The following RASSF7 variants were observed in gnomAD, a reference collection of about 807,000 sequenced individuals.
RASSF7 encodes Ras association domain family member 7, also known as ras association domain-containing protein 7.
RASSF7 carries 41 observed loss-of-function variants against 33.8 expected under a neutral mutation model. The observed-to-expected ratio is 1.21, with a 90% confidence interval of 0.95 to 1.57. The LOEUF (loss-of-function observed/expected upper bound fraction) is 1.57, where lower values mean the gene tolerates loss of function less well. RASSF7 is among the 40% of genes most tolerant of loss of function. The pLI is 0.00. For synonymous variants in RASSF7, 298 were observed against 212.8 expected, an observed-to-expected ratio of 1.40 and a Z score of -3.48; for missense variants, 622 against 497.0, an observed-to-expected ratio of 1.25 and a Z score of -2.39.
Position 561,856 on chromosome 11 carries a change from T to A in RASSF7, c.88T>A (p.Cys30Ser), listed in dbSNP as rs769437256. The A allele has an allele frequency of 8.1e-6, 13 of 1,613,530 alleles. 1 individual carries two copies. In the South Asian group the frequency reaches 1.3e-4, roughly 16 times the overall value. The change falls in exon 2 of 6, where the codon TGC becomes AGC. Residue 30 changes from cysteine to serine, a missense_variant. By Grantham distance (112) the Cys-to-Ser change is moderately radical (BLOSUM62 -1). Transcript: ENST00000397583. The stretch of plus-strand genomic sequence containing the variant: ...CTGTGGGGTCTCAGAGCAGACCACC[T>A]GCCAGGAAGTGGTCATCGCACTAGC... ...VVCGVSEQTT[C>S]QEVVIALAQA...
At position 562,395 on chromosome 11, in the gene RASSF7, C is replaced by A; in HGVS notation, c.441C>A (p.Pro147=). ...SRPGPAAPVT[P]TPGCCTDLRG... ...CTGGGCCTGCGGCCCCTGTGACACCCACACCAGGCTGCTGCACAGACCTGC... is the reference window on the plus strand; with the variant it reads ...CTGGGCCTGCGGCCCCTGTGACACCAACACCAGGCTGCTGCACAGACCTGC... The change falls in exon 3 of 6, where the codon CCC becomes CCA. Residue 147 remains proline, a synonymous_variant. Coordinates refer to ENST00000397583, the MANE Select transcript of RASSF7 (RefSeq NM_003475.4). 1 of 1,573,724 alleles carries A rather than the reference C, an allele frequency of 6.4e-7. No individual in the cohort carries two copies. Among genetic ancestry groups the A allele is most frequent in the East Asian group, 2.4e-5 (1 of 42,080 alleles).
chr11:562,108 C>T lies in RASSF7; in HGVS notation c.154C>T (p.Arg52Trp). 4 of 1,530,928 alleles carry T rather than the reference C, an allele frequency of 2.6e-6. No homozygotes were observed. Among genetic ancestry groups the T allele is most frequent in the South Asian group, 1.3e-5 (1 of 78,380 alleles). 94.8% of individuals were successfully genotyped at this position (1,530,928 alleles called of 1,614,324 possible). A position where few individuals can be genotyped will look rare whatever the true frequency, so the allele number is the denominator to read the frequency against. The part of the protein sequence containing the change: ...GQTGRFVLVQ[R>W]LREKERQLLP... ...GACTGGCCGCTTTGTGCTTGTGCAG[C>T]GGCTTCGGGAGAAGGAGCGGCAGTT... Residue 52 changes from arginine (R) to tryptophan (W), a missense_variant, in exon 3 of 6, where the codon CGG becomes TGG. Arg to Trp is a moderately radical substitution (Grantham distance 101). Coordinates refer to ENST00000397583, the MANE Select transcript of RASSF7 (RefSeq NM_003475.4).
In RASSF7 at chr11:563,587, TAGC is replaced by T; in HGVS notation, c.1071_1073del (p.Ala358del). 1.2e-6 allele frequency: 2 copies of T among 1,611,880 alleles called. No individual in the cohort carries two copies. The highest frequency in any genetic ancestry group is 1.7e-6 in the Non-Finnish European group (2 of 1,179,816). ...CCCCATGACGCAGAACTCCTGGAGG[TAGC>T]AGCAGCTCCTGCCCCAGAGTGGTGT... On this transcript the variant is annotated inframe_deletion, in exon 6 of 6. Transcript: ENST00000397583.
In RASSF7 at chr11:562,401, A is replaced by T; in HGVS notation, c.447A>T (p.Pro149=). ...PGPAAPVTPT[P]GCCTDLRGLE... ...CTGCGGCCCCTGTGACACCCACACC[A>T]GGCTGCTGCACAGACCTGCGGGGCC... is the stretch of plus-strand genomic sequence containing the variant. The change falls in exon 3 of 6, where the codon CCA becomes CCT. Residue 149 remains proline, a synonymous_variant. Transcript: ENST00000397583. 1 of 1,569,060 alleles carries T rather than the reference A, an allele frequency of 6.4e-7. No individual in the cohort carries two copies.
chr11:563,901 C>G lies in RASSF7; in HGVS notation c.*256C>G, dbSNP rs1324777849. On this transcript the variant is annotated 3_prime_UTR_variant, in exon 6 of 6. Transcript: ENST00000397583. The stretch of plus-strand genomic sequence containing the variant: ...ACAGGAGATGCATGGACAGTGTGCT[C>G]AAGCTGTGGGCATGTGCTTGCCTGC... 1 of 567,808 alleles carries G rather than the reference C, an allele frequency of 1.8e-6. No individual in the cohort carries two copies. Among genetic ancestry groups the G allele is most frequent in the Non-Finnish European group, 3.1e-6 (1 of 320,604 alleles). 35.2% of individuals were successfully genotyped at this position (567,808 alleles called of 1,614,324 possible). A position where few individuals can be genotyped will look rare whatever the true frequency, so the allele number is the denominator to read the frequency against.
rs1433348715 is a variant in RASSF7, at chr11:562,148, G to A, written c.194G>A (p.Cys65Tyr). The A allele has an allele frequency of 1.3e-5, 20 of 1,560,334 alleles. No individual in the cohort carries two copies. Among genetic ancestry groups the A allele is most frequent in the Non-Finnish European group, 1.7e-5 (20 of 1,152,368 alleles). ...GAGCGGCAGTTGCTGCCACAAGAGTGTCCAGTGGGCGCCCAGGCCACCTGC... is the reference window on the plus strand; with the variant it reads ...GAGCGGCAGTTGCTGCCACAAGAGTATCCAGTGGGCGCCCAGGCCACCTGC... ...EKERQLLPQE[C>Y]PVGAQATCGQ... The change falls in exon 3 of 6, where the codon TGT (cysteine) becomes TAT (tyrosine). Residue 65 changes from cysteine to tyrosine, a missense_variant. Transcript: ENST00000397583.
chr11:561,261 C>T lies in RASSF7; in HGVS notation c.-224C>T, dbSNP rs1474890359. ...GGGACCGGGACTTTCGGGGCGAGCGCAGCGATTAGGCGGCAGCGGCGGGGC... is the reference window on the plus strand; with the variant it reads ...GGGACCGGGACTTTCGGGGCGAGCGTAGCGATTAGGCGGCAGCGGCGGGGC... On this transcript the variant is annotated 5_prime_UTR_variant, in exon 1 of 6. Coordinates refer to ENST00000397583, the MANE Select transcript of RASSF7 (RefSeq NM_003475.4). 2 of 985,580 alleles carry T rather than the reference C, an allele frequency of 2.0e-6. No homozygotes were observed. The highest frequency in any genetic ancestry group is 6.2e-5 in the Admixed American group (1 of 16,256). 61.1% of individuals were successfully genotyped at this position (985,580 alleles called of 1,614,324 possible). A position where few individuals can be genotyped will look rare whatever the true frequency, so the allele number is the denominator to read the frequency against.
Position 561,023 on chromosome 11 carries a change from C to G in RASSF7, c.-462C>G, listed in dbSNP as rs1165803098. The G allele has an allele frequency of 1.3e-5, 13 of 1,010,154 alleles. No individual in the cohort carries two copies. The highest frequency in any genetic ancestry group is 5.9e-5 in the Admixed American group (1 of 16,862). 62.6% of individuals were successfully genotyped at this position (1,010,154 alleles called of 1,614,324 possible). A position where few individuals can be genotyped will look rare whatever the true frequency, so the allele number is the denominator to read the frequency against. ...GCGCCGGAGCGGGTCTCCAGGCTGG[C>G]GAGCGCCCAGGTGAGCCGCGCCGGG... On this transcript the variant is annotated 5_prime_UTR_variant, in exon 1 of 6. Coordinates refer to ENST00000397583, the MANE Select transcript of RASSF7 (RefSeq NM_003475.4).
rs555820222 is a variant in RASSF7 at position 562,345 on chromosome 11, G to A, written c.391G>A (p.Glu131Lys). Reference sequence around the variant, plus strand: ...TGAGCCCCGCAAAACACTGACCCCCGAGCCAGCCCCCAGCCTCTCACGCCC... The same window carrying A: ...TGAGCCCCGCAAAACACTGACCCCCAAGCCAGCCCCCAGCCTCTCACGCCC... ...GCEPRKTLTPEPAPSLSRPGP... is the reference protein window; with the variant it reads ...GCEPRKTLTPKPAPSLSRPGP... The change falls in exon 3 of 6, where the codon GAG becomes AAG. Residue 131 changes from glutamate (E) to lysine (K), a missense_variant. By Grantham distance (56) the Glu-to-Lys change is moderately conservative. Transcript: ENST00000397583. The A allele has an allele frequency of 4.4e-5, 71 of 1,603,960 alleles. No individual in the cohort carries two copies. The East Asian group carries it at 6.6e-4, about 15-fold the overall frequency.
intron 3 of RASSF7, 104 bp downstream of exon 3, chr11:562,880 AT>A: frequency 2.0e-6 from 2 of 985,810 alleles, no homozygotes; most frequent in East Asian, 5.3e-5. Flanking sequence ...CGGGGACCTG[AT>A]CCCCTGTCAC....
In RASSF7 at chr11:561,908, G is replaced by A. The variant is rs1028990177; in HGVS notation, c.124+16G>A. 3.7e-6 allele frequency: 6 copies of A among 1,612,958 alleles called. No individual in the cohort carries two copies. Among genetic ancestry groups the A allele is most frequent in the Non-Finnish European group, 5.1e-6 (6 of 1,179,688 alleles). ...CAAGCAATAGGTGAGTCCTCTCGGG[G>A]TCAGGCAGGCCGGGCAGGTAGAGCT... On this transcript the variant is annotated intron_variant, in intron 2 of 5. Transcript: ENST00000397583.
rs1402209688 is a variant in RASSF7, at chr11:563,741, G to T, written c.*96G>T. 8.1e-7 allele frequency: 1 copy of T among 1,240,596 alleles called. No homozygotes were observed. The highest frequency in any genetic ancestry group is 1.1e-6 in the Non-Finnish European group (1 of 897,454). The allele number at this position is 1,240,596 out of a possible 1,614,324, so 76.8% of individuals were successfully genotyped here. On this transcript the variant is annotated 3_prime_UTR_variant, in exon 6 of 6. Coordinates refer to ENST00000397583, the MANE Select transcript of RASSF7 (RefSeq NM_003475.4). The stretch of plus-strand genomic sequence containing the variant: ...CTCTGCCAGGCAGTGGGAAGCCCTG[G>T]GTTTGGCCTCAGGAGCTGGGGGTGC...
rs1853298108 is a variant in RASSF7 at position 561,469 on chromosome 11, C to T, written c.-16C>T. 5.6e-6 allele frequency: 7 copies of T among 1,253,608 alleles called. No homozygotes were observed. Among genetic ancestry groups the T allele is most frequent in the South Asian group, 2.0e-5 (1 of 50,622 alleles). 77.7% of individuals were successfully genotyped at this position (1,253,608 alleles called of 1,614,324 possible). The stretch of plus-strand genomic sequence containing the variant: ...CCGCCCGGGGAGGGGGCAGTGTCCT[C>T]CGAGCCAGGTGAGGCGAGTAGGAAA... On this transcript the variant is annotated 5_prime_UTR_variant, in exon 1 of 6. Transcript: ENST00000397583.
At chr11:563,054 C>A in intron 3 of RASSF7, 135 bp from the exon 4 acceptor site, 1 of 878,656 alleles carries the variant, frequency 1.1e-6, no homozygotes, top group Non-Finnish European at 1.7e-6. Flanking sequence ...GGGACCTGAT[C>A]CCCTGTCACT....
At position 562,287 on chromosome 11, in the gene RASSF7, C is replaced by T; in HGVS notation, c.333C>T (p.Ser111=). Residue 111 remains serine, a synonymous_variant, in exon 3 of 6, where the codon AGC becomes AGT. Transcript: ENST00000397583. ...CGGAACGCTGCCTAATTCGTGCCAG[C>T]CTCCCTGTAAAGCCACGGGCTGCGC... The part of the protein sequence containing the change: ...PPPERCLIRA[S]LPVKPRAALG... The T allele has an allele frequency of 6.2e-7, 1 of 1,612,844 alleles. No homozygotes were observed. Among genetic ancestry groups the T allele is most frequent in the Non-Finnish European group, 8.5e-7 (1 of 1,179,974 alleles).
Position 562,066 on chromosome 11 carries a change from CT to C in RASSF7, c.125-12del. ...CGGGGGGACATAGGCTGACCTTCTC[CT>C]CTTCTTCCCAGGCCAGACTGGCCGC... On this transcript the variant is annotated splice_polypyrimidine_tract_variant and intron_variant, in intron 2 of 5. Coordinates refer to ENST00000397583, the MANE Select transcript of RASSF7 (RefSeq NM_003475.4). 1.3e-6 allele frequency: 2 copies of C among 1,502,520 alleles called. No individual in the cohort carries two copies. The highest frequency in any genetic ancestry group is 1.8e-6 in the Non-Finnish European group (2 of 1,123,700). The allele number at this position is 1,502,520 out of a possible 1,614,324, so 93.1% of individuals were successfully genotyped here.
Position 562,127 on chromosome 11 carries a change from G to A in RASSF7, c.173G>A (p.Arg58Gln), listed in dbSNP as rs368746449. ...GTGCAGCGGCTTCGGGAGAAGGAGC[G>A]GCAGTTGCTGCCACAAGAGTGTCCA... Reference protein sequence around the residue: ...VLVQRLREKERQLLPQECPVG... With the variant: ...VLVQRLREKEQQLLPQECPVG... Residue 58 changes from arginine (R) to glutamine (Q), a missense_variant, in exon 3 of 6, where the codon CGG becomes CAG. By Grantham distance (43) the Arg-to-Gln change is conservative (BLOSUM62 1). Coordinates refer to ENST00000397583, the MANE Select transcript of RASSF7 (RefSeq NM_003475.4). The A allele has an allele frequency of 2.1e-5, 32 of 1,540,356 alleles. No homozygotes were observed. Among genetic ancestry groups the A allele is most frequent in the Non-Finnish European group, 2.4e-5 (28 of 1,143,940 alleles).
At chr11:561,960 A>C (rs1239130507) in intron 2 of RASSF7, 68 bp downstream of exon 2, 15 of 1,600,132 alleles carry the variant, frequency 9.4e-6, no homozygotes, top group Admixed American at 1.7e-5. Context: ...GTCCAGCTCC[A>C]TGGTCTCCCC....
chr11:561,329 A>T lies in RASSF7; in HGVS notation c.-156A>T. On this transcript the variant is annotated 5_prime_UTR_variant, in exon 1 of 6. Transcript: ENST00000397583. The stretch of plus-strand genomic sequence containing the variant: ...GCTGCTCAGACCCGGAGTCTGCTCC[A>T]TCTGCAGGGTCGAGGTCTGGGTTGC... The T allele has an allele frequency of 1.0e-6, 1 of 999,030 alleles. No homozygotes were observed. Among genetic ancestry groups the T allele is most frequent in the South Asian group, 4.4e-5 (1 of 22,734 alleles). The allele number at this position is 999,030 out of a possible 1,614,324, so 61.9% of individuals were successfully genotyped here.
Sources: allele counts gnomAD v4.1 joint callset, GRCh38; gene constraint gnomAD v4.1.1; transcripts MANE v1.5; gene names NCBI Gene and HGNC (gene_info 2026-07-23, HGNC 2026-07-21).